The following ATAD2 variants were observed in gnomAD, a reference collection of about 807,000 sequenced individuals.
The protein encoded by ATAD2 is ATPase family AAA domain containing 2.
ATAD2 carries 62 observed loss-of-function variants against 168.9 expected under a neutral mutation model. The observed-to-expected ratio is 0.37, with a 90% CI of 0.30 to 0.45. ATAD2 has a LOEUF of 0.45. ATAD2 is among the 20% of genes least tolerant of loss of function. ATAD2 has a pLI of 1.00. For synonymous variants in ATAD2, 613 were observed against 571.6 expected (o/e 1.07, Z -1.03); for missense variants, 1,419 against 1,667.8 (o/e 0.85, Z 2.60).
At chr8:123,357,308 ACT>A (rs1828679632) in intron 12 of ATAD2, among the ~76,000 whole-genome samples, 1 of 152,040 alleles carries the variant, frequency 6.6e-6, no homozygotes, top group Non-Finnish European at 1.5e-5. Context: ...TGAGATTACC[ACT>A]CTCTTCCTAT....
At chr8:123,359,362 T>C (rs765534853) in intron 10 of ATAD2, 26 bp from the exon 11 acceptor site, 5 of 1,527,160 alleles carry the variant, frequency 3.3e-6, no homozygotes, top group African/African-American at 2.8e-5. Flanking sequence ...AACATGTACA[T>C]TTTTAGATTT....
intron 18 of ATAD2, 83 bp from the exon 19 acceptor site, chr8:123,345,152 C>A (rs1029118580): frequency 5.3e-6 from 7 of 1,315,698 alleles, no homozygotes; most frequent in Admixed American, 2.3e-5. Context: ...CAATGTTTAA[C>A]CTCCCAGGAG....
chr8:123,358,960 C>T (rs536149263), intron 11 of ATAD2, among the ~76,000 whole-genome samples: 17 of 147,632 alleles, frequency 1.2e-4, no homozygotes, highest in African/African-American at 3.0e-4. Flanking sequence ...CGCCTTGGCC[C>T]CCCAAAGTGC....
chr8:123,377,483 A>G (rs1829354126), intron 2 of ATAD2, among the ~76,000 whole-genome samples: 2 of 152,180 alleles, frequency 1.3e-5, no homozygotes, highest in South Asian at 2.1e-4. Context: ...GACTTCCAAC[A>G]TTAATTTTTT....
chr8:123,412,880 A>G (rs537994054), intron 1 of ATAD2, among the ~76,000 whole-genome samples: 2 of 152,078 alleles, frequency 1.3e-5, no homozygotes, highest in East Asian at 3.9e-4. Context: ...CAAACCCCCC[A>G]TTAAAATGCC....
chr8:123,384,396 TAGG>T (rs1475837011), intron 1 of ATAD2, among the ~76,000 whole-genome samples: 1 of 152,202 alleles, frequency 6.6e-6, no homozygotes, highest in Middle Eastern at 3.2e-3. Flanking sequence ...TGTTTTGCTT[TAGG>T]AGCTTTTAAT....
intron 9 of ATAD2, among the ~76,000 whole-genome samples, chr8:123,360,012 A>G (rs913601223): frequency 5.9e-5 from 9 of 152,250 alleles, no homozygotes; most frequent in African/African-American, 2.2e-4. Flanking sequence ...TAACACAGAC[A>G]GGGTATTTAC....
rs186578162 is a variant in ATAD2 at position 123,347,360 on chromosome 8, T to C, written c.1944A>G (p.Leu648=). 18 of 1,613,808 alleles carry C rather than the reference T, an allele frequency of 1.1e-5. No homozygotes were observed. The Admixed American group carries it at 2.7e-4, about 24-fold the overall frequency. Residue 648 remains leucine, a synonymous_variant, in exon 16 of 28, where the codon TTA becomes TTG. Coordinates refer to ENST00000287394, the MANE Select transcript of ATAD2 (RefSeq NM_014109.4). The part of the protein sequence containing the change: ...DIKSICAEAA[L]CALRRRYPQI... ...GTGGGTAGCGTCGTCGTAAAGCACA[T>C]AAAGCAGCTTCAGCACATATTGATT...
chr8:123,386,500 G>A (rs1416037035), intron 1 of ATAD2, among the ~76,000 whole-genome samples: 1 of 152,122 alleles, frequency 6.6e-6, no homozygotes, highest in African/African-American at 2.4e-5. Context: ...GGTTGCCAGG[G>A]ACTAGGAGGA....
chr8:123,340,557 A>G (rs1475583344), intron 19 of ATAD2, among the ~76,000 whole-genome samples: 3 of 152,262 alleles, frequency 2.0e-5, no homozygotes, highest in Non-Finnish European at 4.4e-5. Context: ...GGAGGTGAAG[A>G]TGACCCAAAC....
rs1827427798 is a variant in ATAD2, at chr8:123,320,109, A to G, written c.*1025T>C. The G allele has an allele frequency of 6.6e-6, 1 of 152,158 alleles. No homozygotes were observed. The highest frequency in any genetic ancestry group is 2.1e-4 in the South Asian group (1 of 4,834). The allele number at this position is 152,158 out of a possible 1,614,324, so 9.4% of individuals were successfully genotyped here. ...CTTTAAAAAAAATCCAGATAAATCA[A>G]CAACAAAAATACAGCTCAACTTTGA... On this transcript the variant is annotated 3_prime_UTR_variant, in exon 28 of 28. Transcript: ENST00000287394.
intron 2 of ATAD2, among the ~76,000 whole-genome samples, chr8:123,379,034 G>A (rs1028464113): frequency 6.6e-6 from 1 of 152,020 alleles, no homozygotes; most frequent in Non-Finnish European, 1.5e-5. Context: ...CCCGACCGAA[G>A]TGATCCTTCT....
At position 123,371,799 on chromosome 8, in the gene ATAD2, C is replaced by G. The variant is rs746925746; in HGVS notation, c.407G>C (p.Arg136Thr). The change falls in exon 4 of 28, where the codon AGA becomes ACA. Residue 136 changes from arginine to threonine, a missense_variant. Around this residue, in one of 5 missense-constraint regions of ATAD2, gnomAD observed 419 missense variants for 423.5 expected, o/e 0.99. Transcript: ENST00000287394. ...GTGTTCTGTACTTTGAACGATGTTT[C>G]TAGCCCTCAATGACCGAGTAACTGG... ...VIPVTRSLRARNIVQSTEHLH... is the reference protein window; with the variant it reads ...VIPVTRSLRATNIVQSTEHLH... 62 of 1,608,826 alleles carry G rather than the reference C, an allele frequency of 3.9e-5. No individual in the cohort carries two copies. Among genetic ancestry groups the G allele is most frequent in the Non-Finnish European group, 5.0e-5 (59 of 1,178,588 alleles).
intron 2 of ATAD2, among the ~76,000 whole-genome samples, chr8:123,379,535 A>G (rs1230704028): frequency 6.6e-6 from 1 of 151,284 alleles, no homozygotes; most frequent in East Asian, 2.0e-4. Context: ...ATCTTTGAAT[A>G]ATAAAAGCAT....
intron 20 of ATAD2, among the ~76,000 whole-genome samples, chr8:123,338,232 G>A (rs1462132121): frequency 6.6e-6 from 1 of 152,114 alleles, no homozygotes; most frequent in Non-Finnish European, 1.5e-5. Context: ...GCGTGCGCCT[G>A]TAGTCCTACC....
chr8:123,393,263 C>T (rs1272920839), intron 1 of ATAD2, among the ~76,000 whole-genome samples: 1 of 151,370 alleles, frequency 6.6e-6, no homozygotes, highest in Non-Finnish European at 1.5e-5. Flanking sequence ...TTAATCCCAG[C>T]AATTTGGGAA....
rs1563838107 is a variant in ATAD2, at chr8:123,339,415, TC to T, written c.2749del (p.Glu917ArgfsTer20). 1 of 1,597,090 alleles carries T rather than the reference TC, an allele frequency of 6.3e-7. No homozygotes were observed. Among genetic ancestry groups the T allele is most frequent in the Non-Finnish European group, 8.5e-7 (1 of 1,172,360 alleles). ...ATCCGGTAACTGGACATTAAAAATC[TC>T]TCCATAATCACGGATAAACAATTCT... ...VQELFIRDYG[E>X]IFNVQLPDKE... On this transcript the variant is annotated frameshift_variant, in exon 20 of 28. Coordinates refer to ENST00000287394, the MANE Select transcript of ATAD2 (RefSeq NM_014109.4). LOFTEE classifies it high-confidence loss of function.
chr8:123,372,570 C>CA lies in ATAD2; in HGVS notation c.370+66dup, dbSNP rs553151036. The CA allele has an allele frequency of 1.3e-4, 166 of 1,287,922 alleles. 1 individual carries two copies. In the African/African-American group the frequency reaches 2.2e-3, roughly 17 times the overall value. The allele number at this position is 1,287,922 out of a possible 1,614,324, so 79.8% of individuals were successfully genotyped here. ...CATGTAAAATTTATTGTAGGTACCT[C>CA]AAAAAACCTGTAAACAGAATATTAA... is the stretch of plus-strand genomic sequence containing the variant. On this transcript the variant is annotated intron_variant, in intron 3 of 27. Transcript: ENST00000287394.
rs1828649654 is a variant in ATAD2 at position 123,356,488 on chromosome 8, GGTGGA to G, written c.1558-16_1558-12del. The G allele has an allele frequency of 6.2e-7, 1 of 1,600,076 alleles. No individual in the cohort carries two copies. The highest frequency in any genetic ancestry group is 1.3e-5 in the African/African-American group (1 of 74,552). ...GCGCATCTGATAGGCCTAGAAAGTA[GGTGGA>G]GTGGTCATTTGTTAGCATAAACAGC... On this transcript the variant is annotated splice_polypyrimidine_tract_variant and intron_variant, in intron 12 of 27. Transcript: ENST00000287394.
Sources: gnomAD v4.1 joint callset for allele counts (sites outside exome capture counted in the v4.1 genomes callset) on GRCh38, gnomAD v4.1.1 for gene constraint, gnomAD v4.1.1 regional missense constraint, MANE v1.5 for transcripts, NCBI Gene and HGNC (gene_info 2026-07-23, HGNC 2026-07-21) for gene names.